The following C8orf88 variants were observed in gnomAD, a reference collection of about 807,000 sequenced individuals.
C8orf88 encodes uncharacterized protein C8orf88.
Under a neutral mutation model 18.4 loss-of-function variants are expected in C8orf88, and 14 were observed. The observed-to-expected ratio is 0.76, with a 90% confidence interval of 0.50 to 1.19. C8orf88 has a LOEUF of 1.19. C8orf88 is among the 50% of genes most tolerant of loss of function. C8orf88 has a pLI of 0.00. For missense variants in C8orf88, 116 were observed against 134.7 expected (o/e 0.86, Z 0.69); for synonymous variants, 45 against 42.9 (o/e 1.05, Z -0.19).
chr8:90,960,416 T>C (rs1811108622), intron 5 of C8orf88, among the ~76,000 whole-genome samples: 1 of 151,404 alleles, frequency 6.6e-6, no homozygotes, highest in Non-Finnish European at 1.5e-5. Flanking sequence ...TAAAACTTGA[T>C]GCCCACCTCA....
In C8orf88 at chr8:90,980,450, T is replaced by C. The variant is rs1279811473; in HGVS notation, c.-15A>G. ...TTGGTTTCCATTGTCACAAAGACTTTGAGGTTCCATACTAGAAGACAAAAA... is the reference window on the plus strand; with the variant it reads ...TTGGTTTCCATTGTCACAAAGACTTCGAGGTTCCATACTAGAAGACAAAAA... On this transcript the variant is annotated 5_prime_UTR_variant, in exon 2 of 6. Transcript: ENST00000517562. 1.3e-6 allele frequency: 2 copies of C among 1,489,750 alleles called. No homozygotes were observed. Among genetic ancestry groups the C allele is most frequent in the South Asian group, 2.5e-5 (2 of 80,604 alleles). 92.3% of individuals were successfully genotyped at this position (1,489,750 alleles called of 1,614,324 possible).
chr8:90,970,654 C>T (rs776303514), intron 4 of C8orf88, among the ~76,000 whole-genome samples: 1 of 152,082 alleles, frequency 6.6e-6, no homozygotes, highest in South Asian at 2.1e-4. Flanking sequence ...TTAAGGGAAA[C>T]TTCCTTTCCC....
At chr8:90,983,175 G>A (rs779784874) in intron 1 of C8orf88, among the ~76,000 whole-genome samples, 9 of 152,104 alleles carry the variant, frequency 5.9e-5, no homozygotes, top group Non-Finnish European at 1.2e-4. Context: ...ACAACATTGG[G>A]TAGCAAGTAG....
chr8:90,964,318 A>C (rs1468618803), intron 4 of C8orf88, among the ~76,000 whole-genome samples: 1 of 151,744 alleles, frequency 6.6e-6, no homozygotes, highest in Non-Finnish European at 1.5e-5. Flanking sequence ...TCAGATAAAC[A>C]GCTGATTTCT....
intron 5 of C8orf88, among the ~76,000 whole-genome samples, chr8:90,960,520 C>A (rs2740781): frequency 0.53 from 79,622 of 150,992 alleles, 24,397 homozygotes; most frequent in African/African-American, 0.83. Context: ...ATGACCTTTC[C>A]ATTAAAAATA....
rs190175061 is a variant in C8orf88 at position 90,979,137 on chromosome 8, T to G, written c.74-485A>C. Among the ~76,000 whole-genome samples, 212 of 152,298 alleles carry G rather than the reference T, an allele frequency of 1.4e-3. 1 individual carries two copies. Among genetic ancestry groups the G allele is most frequent in the Admixed American group, 2.4e-3 (37 of 15,296 alleles). On this transcript the variant is annotated intron_variant, in intron 2 of 5. Transcript: ENST00000517562. ...TTCTGATTTACTAGACTTTTCTGCC[T>G]AATAATTCCCTACTCTGCGTCTGGA...
intron 4 of C8orf88, among the ~76,000 whole-genome samples, chr8:90,962,166 T>A (rs1244403351): frequency 6.6e-6 from 1 of 151,616 alleles, no homozygotes; most frequent in East Asian, 1.9e-4. Context: ...TCATTTAACA[T>A]TTTTGAGGTT....
chr8:90,978,736 A>AATATCTTGGATACT, intron 2 of C8orf88, 84 bp from the exon 3 acceptor site: 1 of 732,516 alleles, frequency 1.4e-6, no homozygotes, highest in Non-Finnish European at 2.2e-6. Flanking sequence ...AGTATCCAAG[A>AATATCTTGGATACT]TATTCTTGGC....
At chr8:90,970,280 A>G (rs1483610572) in intron 4 of C8orf88, among the ~76,000 whole-genome samples, 1 of 151,956 alleles carries the variant, frequency 6.6e-6, no homozygotes, top group Non-Finnish European at 1.5e-5. Flanking sequence ...TTACCAAGAT[A>G]AAATGTCAAT....
At position 90,980,343 on chromosome 8, in the gene C8orf88, C is replaced by T; in HGVS notation, c.73+20G>A. Reference sequence around the variant, plus strand: ...CATTAACACATTAATATTTAAAGAACTGTACAATCTATTACTCACCTGGGG... The same window carrying T: ...CATTAACACATTAATATTTAAAGAATTGTACAATCTATTACTCACCTGGGG... On this transcript the variant is annotated intron_variant, in intron 2 of 5. Transcript: ENST00000517562. The T allele has an allele frequency of 6.8e-7, 1 of 1,462,958 alleles. No homozygotes were observed. The highest frequency in any genetic ancestry group is 9.1e-7 in the Non-Finnish European group (1 of 1,104,946). The allele number at this position is 1,462,958 out of a possible 1,614,324, so 90.6% of individuals were successfully genotyped here. A position where few individuals can be genotyped will look rare whatever the true frequency, so the allele number is the denominator to read the frequency against.
At chr8:90,969,248 AT>A (rs1350480847) in intron 4 of C8orf88, among the ~76,000 whole-genome samples, 15 of 151,880 alleles carry the variant, frequency 9.9e-5, no homozygotes. Context: ...GGATAACAAA[AT>A]GTGGCATAAT....
chr8:90,960,558 T>A (rs552502140), intron 5 of C8orf88, among the ~76,000 whole-genome samples, 184 bp downstream of exon 5: 2 of 151,488 alleles, frequency 1.3e-5, no homozygotes, highest in Non-Finnish European at 3.0e-5. Context: ...AGCTATTCCA[T>A]TCTATTTTTT....
chr8:90,961,224 A>G (rs1418672247), intron 4 of C8orf88, among the ~76,000 whole-genome samples: 1 of 151,378 alleles, frequency 6.6e-6, no homozygotes, highest in Non-Finnish European at 1.5e-5. Flanking sequence ...AGTCTCAATC[A>G]ATACTAAAAA....
chr8:90,960,037 A>C (rs1811103211), intron 5 of C8orf88, among the ~76,000 whole-genome samples: 1 of 151,420 alleles, frequency 6.6e-6, no homozygotes, highest in Non-Finnish European at 1.5e-5. Context: ...TCAGCAATTC[A>C]ATGAGGTTAA....
At chr8:90,971,670 A>G (rs533962737) in intron 3 of C8orf88, among the ~76,000 whole-genome samples, 5 of 152,060 alleles carry the variant, frequency 3.3e-5, no homozygotes, top group Admixed American at 6.6e-5. Flanking sequence ...GTAGAGCTCT[A>G]TGTCTTGAAG....
intron 3 of C8orf88, among the ~76,000 whole-genome samples, chr8:90,977,354 A>G (rs1214069534): frequency 1.3e-5 from 2 of 152,356 alleles, no homozygotes; most frequent in Non-Finnish European, 1.5e-5. Flanking sequence ...GGCAGTATCA[A>G]AAAGTTGAAA....
intron 4 of C8orf88, among the ~76,000 whole-genome samples, chr8:90,966,851 G>A (rs1188704679): frequency 6.6e-6 from 1 of 151,864 alleles, no homozygotes; most frequent in Non-Finnish European, 1.5e-5. Flanking sequence ...ACTAGAAGTG[G>A]CATCTTGCTG....
intron 4 of C8orf88, among the ~76,000 whole-genome samples, chr8:90,968,673 T>TATATATATATATATATATATATATATAC (rs1811240476): frequency 7.5e-6 from 1 of 132,672 alleles, no homozygotes; most frequent in Admixed American, 7.4e-5. Flanking sequence ...TATATATATA[T>TATATATATATATATATATATATATATAC]ATATATATAT....
At chr8:90,959,926 A>G (rs1041759148) in intron 5 of C8orf88, among the ~76,000 whole-genome samples, 31 of 151,458 alleles carry the variant, frequency 2.0e-4, no homozygotes, top group African/African-American at 7.5e-4. Flanking sequence ...AAGCATAATG[A>G]GAGAAAGGTA....
Sources: allele counts gnomAD v4.1 joint callset (sites outside exome capture counted in the v4.1 genomes callset), GRCh38; gene constraint gnomAD v4.1.1; transcripts MANE v1.5; gene names NCBI Gene and HGNC (gene_info 2026-07-23, HGNC 2026-07-21).